ERBIN: variants seen among roughly 807,000 people sequenced by gnomAD.
ERBIN encodes the protein erbb2 interacting protein.
Under a neutral mutation model 158.4 loss-of-function variants are expected in ERBIN, and 60 were observed. The observed-to-expected ratio is 0.38, with a 90% CI of 0.31 to 0.47. ERBIN has a LOEUF of 0.47. ERBIN is among the 20% of genes least tolerant of loss of function. ERBIN has a pLI of 0.99. For synonymous variants in ERBIN, 594 were observed against 557.2 expected, an observed-to-expected ratio of 1.07 and a Z score of -0.93; for missense variants, 1,610 against 1,648.0, an observed-to-expected ratio of 0.98 and a Z score of 0.40.
At chr5:66,005,288 G>T (rs1295664846) in intron 4 of ERBIN, among the ~76,000 whole-genome samples, 1 of 152,166 alleles carries the variant, frequency 6.6e-6, no homozygotes, top group East Asian at 1.9e-4. Context: ...AGTGATTTTG[G>T]TCATGCCCTT....
chr5:66,046,684 CACTT>C lies in ERBIN; in HGVS notation c.1788+147_1788+150del, dbSNP rs1298898426. ...ATTTCATATCTGCAAAAATATCACT[CACTT>C]GTCACTTTAAACTTACAAATTATTA... is the stretch of plus-strand genomic sequence containing the variant. On this transcript the variant is annotated intron_variant, in intron 18 of 25. Transcript: ENST00000284037. The C allele has an allele frequency of 1.1e-4, 65 of 610,394 alleles. No individual in the cohort carries two copies. In the Middle Eastern group the frequency reaches 1.4e-3, roughly 13 times the overall value. The allele number at this position is 610,394 out of a possible 1,614,324, so 37.8% of individuals were successfully genotyped here.
chr5:66,018,513 TTA>T (rs1755165343), intron 7 of ERBIN, among the ~76,000 whole-genome samples: 121 of 8,672 alleles, frequency 0.014, 18 homozygotes, highest in Middle Eastern at 0.062. Context: ...ATATTATATA[TTA>T]TATAATATAT....
intron 11 of ERBIN, 142 bp from the exon 12 acceptor site, chr5:66,025,706 T>A: frequency 1.2e-6 from 1 of 843,122 alleles, no homozygotes; most frequent in Non-Finnish European, 1.8e-6. Context: ...TAGACAAACC[T>A]ACTTATTGGT....
At chr5:65,966,891 G>A (rs1030793106) in intron 1 of ERBIN, among the ~76,000 whole-genome samples, 2 of 151,864 alleles carry the variant, frequency 1.3e-5, no homozygotes, top group Admixed American at 1.3e-4. Flanking sequence ...AGGCTAATGT[G>A]TGTGTTTGTG....
chr5:66,051,634 G>A (rs150798250), intron 20 of ERBIN, among the ~76,000 whole-genome samples: 6 of 152,342 alleles, frequency 3.9e-5, no homozygotes, highest in Non-Finnish European at 7.4e-5. Flanking sequence ...GCTTAAACGT[G>A]TAATCCCAGC....
At chr5:65,940,697 G>GT (rs1744863878) in intron 1 of ERBIN, among the ~76,000 whole-genome samples, 1 of 147,618 alleles carries the variant, frequency 6.8e-6, no homozygotes, top group Non-Finnish European at 1.5e-5. Flanking sequence ...GGAGGTGGGG[G>GT]GGTCAGCCCC....
intron 2 of ERBIN, among the ~76,000 whole-genome samples, chr5:65,991,454 G>C (rs540650351): frequency 9.2e-5 from 14 of 152,136 alleles, no homozygotes; most frequent in Middle Eastern, 3.2e-3. Context: ...GTTTTACACA[G>C]AAAGAATTGA....
chr5:66,044,721 T>C (rs42215), intron 17 of ERBIN, among the ~76,000 whole-genome samples: 126,438 of 151,772 alleles, frequency 0.83, 53,220 homozygotes, highest in African/African-American at 0.88. Context: ...GCCGAGATCG[T>C]ACCACTGTGC....
rs1580192493 is a variant in ERBIN at position 65,968,121 on chromosome 5, C to T, written c.-57-20514C>T. On this transcript the variant is annotated intron_variant, in intron 1 of 25. Transcript: ENST00000284037. ...CCAATGACGGGGAAGAGGATTTCAC[C>T]TCTTGAGGGGAGAAGTGTAAAAGAA... Among the ~76,000 whole-genome samples the T allele has an allele frequency of 2.0e-5, 3 of 152,228 alleles. No homozygotes were observed. In the South Asian group the frequency reaches 6.2e-4, roughly 32 times the overall value.
intron 13 of ERBIN, among the ~76,000 whole-genome samples, chr5:66,027,691 C>T (rs1756427667): frequency 6.6e-6 from 1 of 151,910 alleles, no homozygotes; most frequent in Non-Finnish European, 1.5e-5. Flanking sequence ...TATGCAAATA[C>T]TATACAATTT....
In ERBIN at chr5:66,072,161, C is replaced by A. The variant is rs1370400534; in HGVS notation, c.3634-8C>A. On this transcript the variant is annotated splice_region_variant and splice_polypyrimidine_tract_variant and intron_variant, in intron 21 of 25. Transcript: ENST00000284037. The stretch of plus-strand genomic sequence containing the variant: ...TTATTTGTTTACTTTTTATTTCCTG[C>A]TCATTAGAAGCATCCCCAGACATCC... The A allele has an allele frequency of 6.5e-7, 1 of 1,545,546 alleles. No homozygotes were observed. The highest frequency in any genetic ancestry group is 2.0e-5 in the Admixed American group (1 of 50,242).
At chr5:65,938,826 C>T (rs907346428) in intron 1 of ERBIN, among the ~76,000 whole-genome samples, 1 of 152,064 alleles carries the variant, frequency 6.6e-6, no homozygotes, top group African/African-American at 2.4e-5. Context: ...GCCGGGATTA[C>T]AGCTGTGAGC....
intron 1 of ERBIN, among the ~76,000 whole-genome samples, chr5:65,982,218 G>T (rs1327279511): frequency 6.6e-6 from 1 of 152,172 alleles, no homozygotes; most frequent in Non-Finnish European, 1.5e-5. Context: ...ATGCAGTAGT[G>T]TACGTTACAG....
chr5:66,037,857 T>C (rs551865555), intron 14 of ERBIN, among the ~76,000 whole-genome samples: 1 of 152,224 alleles, frequency 6.6e-6, no homozygotes, highest in Admixed American at 6.5e-5. Flanking sequence ...AGTGACTTAC[T>C]GGTGTCATTA....
chr5:66,014,782 C>G, intron 7 of ERBIN, 57 bp downstream of exon 7: 1 of 859,154 alleles, frequency 1.2e-6, no homozygotes, highest in South Asian at 2.0e-5. Flanking sequence ...ATGATTAAGT[C>G]TTTAAAAATG....
chr5:65,933,019 C>G (rs1027135322), intron 1 of ERBIN, among the ~76,000 whole-genome samples: 1 of 152,130 alleles, frequency 6.6e-6, no homozygotes, highest in African/African-American at 2.4e-5. Context: ...TCTTGAACTC[C>G]TGGCCTCAAG....
chr5:65,941,188 G>A (rs1395656428), intron 1 of ERBIN, among the ~76,000 whole-genome samples: 4 of 151,934 alleles, frequency 2.6e-5, no homozygotes, highest in Admixed American at 6.6e-5. Context: ...GTGGAAGGCC[G>A]CAGGGTCCTC....
At chr5:66,045,676 G>A (rs1320742520) in intron 17 of ERBIN, among the ~76,000 whole-genome samples, 2 of 152,104 alleles carry the variant, frequency 1.3e-5, no homozygotes, top group Non-Finnish European at 2.9e-5. Flanking sequence ...AATCAGTGAA[G>A]TCCATAATTA....
intron 21 of ERBIN, among the ~76,000 whole-genome samples, chr5:66,064,258 C>T (rs948239396): frequency 1.3e-5 from 2 of 152,120 alleles, no homozygotes; most frequent in Admixed American, 1.3e-4. Context: ...ATTCTGAAAG[C>T]AGAGACAAGG....
Sources: allele counts gnomAD v4.1 joint callset (sites outside exome capture counted in the v4.1 genomes callset), GRCh38; gene constraint gnomAD v4.1.1; transcripts MANE v1.5; gene names NCBI Gene and HGNC (gene_info 2026-07-23, HGNC 2026-07-21).